Variants in BCAS3 observed in about 807,000 individuals in gnomAD.
BCAS3 encodes the protein BCAS4/BCAS3 fusion.
BCAS3 carries 53 observed loss-of-function variants against 116.1 expected under a neutral mutation model. That is an observed-to-expected ratio of 0.46 (90% CI 0.37 to 0.57). BCAS3 has a LOEUF of 0.57. Ranked by LOEUF, BCAS3 falls within the 20% of genes least tolerant of loss-of-function variation. The pLI, the probability that BCAS3 is intolerant of heterozygous loss-of-function variation, is 0.00. For synonymous variants in BCAS3, 391 were observed against 408.2 expected, an observed-to-expected ratio of 0.96 and a Z score of 0.51; for missense variants, 917 against 1,165.4, an observed-to-expected ratio of 0.79 and a Z score of 3.10.
At chr17:60,686,714 C>T (rs1325876857) in intron 3 of BCAS3, among the ~76,000 whole-genome samples, 1 of 152,000 alleles carries the variant, frequency 6.6e-6, no homozygotes, top group Non-Finnish European at 1.5e-5. Flanking sequence ...TTAGTAGAAA[C>T]GGGGTTTCAC....
At position 61,278,101 on chromosome 17, in the gene BCAS3, A is replaced by G. The variant is rs1490064700; in HGVS notation, c.2426-90226A>G. 2.0e-5 allele frequency among the ~76,000 whole-genome samples: 3 copies of G among 152,202 alleles called. No individual in the cohort carries two copies. The highest frequency in any genetic ancestry group is 2.9e-5 in the Non-Finnish European group (2 of 68,032). On this transcript the variant is annotated intron_variant, in intron 22 of 23. Transcript: ENST00000407086. The surrounding 1 kb of genome is among the most constrained non-coding windows in gnomAD (Gnocchi z 5.8). ...GCCCAGGCTGGAGTGAGGTGGTACA[A>G]TCTTGGTTCACTGCAACCTCTGCCT... is the stretch of plus-strand genomic sequence containing the variant.
chr17:61,172,667 T>A (rs2078911816), intron 22 of BCAS3, among the ~76,000 whole-genome samples: 1 of 148,490 alleles, frequency 6.7e-6, no homozygotes, highest in South Asian at 2.2e-4. Flanking sequence ...ATTCATATTC[T>A]GAGTCCTAAA....
In BCAS3 at chr17:61,361,342, T is replaced by C. The variant is rs1265093574; in HGVS notation, c.2426-6985T>C. 2.6e-5 allele frequency among the ~76,000 whole-genome samples: 4 copies of C among 152,228 alleles called. No individual in the cohort carries two copies. The highest frequency in any genetic ancestry group is 9.6e-5 in the African/African-American group (4 of 41,468). On this transcript the variant is annotated intron_variant, in intron 22 of 23. Transcript: ENST00000407086. The surrounding 1 kb of genome is among the most constrained non-coding windows in gnomAD (Gnocchi z 6.5). ...TATGCAATTGCATATTTTGCAGTTG[T>C]GAAAATGGTCTCCTTGTCAAAATAA...
intron 22 of BCAS3, among the ~76,000 whole-genome samples, chr17:61,260,819 A>T (rs886922423): frequency 2.0e-5 from 3 of 152,210 alleles, no homozygotes; most frequent in Admixed American, 2.0e-4. Context: ...GAAGAAAATG[A>T]TCTTTGTGTG....
At chr17:61,135,623 C>T (rs933360771) in intron 22 of BCAS3, among the ~76,000 whole-genome samples, 4 of 152,172 alleles carry the variant, frequency 2.6e-5, no homozygotes, top group African/African-American at 9.7e-5. Flanking sequence ...AGACTACTGC[C>T]ACCCCCTGTC....
chr17:61,048,755 A>C (rs181749143), intron 19 of BCAS3, among the ~76,000 whole-genome samples: 4 of 151,996 alleles, frequency 2.6e-5, no homozygotes, highest in Admixed American at 2.6e-4. Context: ...AATGCTGAAG[A>C]CTGCAGAGGG....
intron 5 of BCAS3, among the ~76,000 whole-genome samples, chr17:60,710,275 T>C (rs933615357): frequency 1.3e-5 from 2 of 152,204 alleles, no homozygotes; most frequent in Non-Finnish European, 2.9e-5. Flanking sequence ...TTTCTCTTTT[T>C]CTTTTGGGTG....
chr17:60,909,359 A>T (rs1029021201), intron 11 of BCAS3, among the ~76,000 whole-genome samples: 1 of 152,122 alleles, frequency 6.6e-6, no homozygotes, highest in Non-Finnish European at 1.5e-5. Flanking sequence ...TGTATATAAT[A>T]GTTTATATTT....
intron 6 of BCAS3, among the ~76,000 whole-genome samples, chr17:60,793,353 C>G (rs2046940494): frequency 6.6e-6 from 1 of 152,144 alleles, no homozygotes; most frequent in African/African-American, 2.4e-5. Context: ...CCTCAGCCTC[C>G]CAAAGTGCTG....
chr17:60,755,518 C>A (rs1238084157), intron 6 of BCAS3, among the ~76,000 whole-genome samples: 1 of 152,080 alleles, frequency 6.6e-6, no homozygotes, highest in East Asian at 1.9e-4. Flanking sequence ...AACCCTGTTC[C>A]CTGAAGATAC....
chr17:60,832,296 C>G (rs1194473638), intron 7 of BCAS3, among the ~76,000 whole-genome samples: 1 of 152,076 alleles, frequency 6.6e-6, no homozygotes, highest in Non-Finnish European at 1.5e-5. Flanking sequence ...AACTTTTTAC[C>G]CTAATTACCT....
At position 61,323,199 on chromosome 17, in the gene BCAS3, A is replaced by AG. The variant is rs1248676492; in HGVS notation, c.2426-45124dup. ...ACGGGCCAGATTGTTCATTTCACAAAGGGGAGGCTTTTAAAAATGAGAAGA... is the reference window on the plus strand; with the variant it reads ...ACGGGCCAGATTGTTCATTTCACAAAGGGGGAGGCTTTTAAAAATGAGAAGA... On this transcript the variant is annotated intron_variant, in intron 22 of 23. Coordinates refer to ENST00000407086, the MANE Select transcript of BCAS3 (RefSeq NM_017679.5). This position sits in a 1 kb window ranked among gnomAD's most constrained non-coding sequence, Gnocchi z 4.6. 3.4e-4 allele frequency among the ~76,000 whole-genome samples: 51 copies of AG among 152,176 alleles called. No homozygotes were observed. The highest frequency in any genetic ancestry group is 8.8e-5 in the Non-Finnish European group (6 of 68,036).
At chr17:61,043,904 A>G (rs2067759203) in intron 19 of BCAS3, among the ~76,000 whole-genome samples, 1 of 152,064 alleles carries the variant, frequency 6.6e-6, no homozygotes, top group Non-Finnish European at 1.5e-5. Flanking sequence ...CTGTTTTTTA[A>G]CTTCGTGGTT....
chr17:60,686,036 AT>A (rs1478668031), intron 3 of BCAS3, among the ~76,000 whole-genome samples: 1 of 151,678 alleles, frequency 6.6e-6, no homozygotes, highest in East Asian at 1.9e-4. Flanking sequence ...CACCTGTCTA[AT>A]TTTTGTATTT....
rs563161480 is a variant in BCAS3 at position 60,909,574 on chromosome 17, T to A, written c.823-958T>A. ...CTAAGTATTCTAGGGTGCCTGTTTT[T>A]GTTCTAATGATGATACCCTTCTTCA... On this transcript the variant is annotated intron_variant, in intron 11 of 23. Coordinates refer to ENST00000407086, the MANE Select transcript of BCAS3 (RefSeq NM_017679.5). 1.8e-3 allele frequency among the ~76,000 whole-genome samples: 273 copies of A among 152,286 alleles called. 1 individual carries two copies. Among genetic ancestry groups the A allele is most frequent in the Admixed American group, 3.3e-3 (51 of 15,300 alleles).
At chr17:61,046,609 A>T (rs1426686170) in intron 19 of BCAS3, among the ~76,000 whole-genome samples, 4 of 151,954 alleles carry the variant, frequency 2.6e-5, no homozygotes, top group Non-Finnish European at 4.4e-5. Context: ...GGGAATCATG[A>T]CAAGAAAAAA....
intron 5 of BCAS3, among the ~76,000 whole-genome samples, chr17:60,724,349 G>A (rs971567299): frequency 1.3e-5 from 2 of 150,650 alleles, no homozygotes. Context: ...CTTGAACCCG[G>A]GAGGCACAGG....
At position 60,807,991 on chromosome 17, in the gene BCAS3, T is replaced by C; in HGVS notation, c.404-13T>C. The C allele has an allele frequency of 6.4e-7, 1 of 1,572,098 alleles. No homozygotes were observed. On this transcript the variant is annotated splice_polypyrimidine_tract_variant and intron_variant, in intron 6 of 23. Coordinates refer to ENST00000407086, the MANE Select transcript of BCAS3 (RefSeq NM_017679.5). Reference sequence around the variant, plus strand: ...TCCTCAAAGCTTACAATTTATTTTATCCTTCCTGTCAGGTGCTCAAAAATG... The same window carrying C: ...TCCTCAAAGCTTACAATTTATTTTACCCTTCCTGTCAGGTGCTCAAAAATG...
At chr17:60,749,751 T>A (rs1052287001) in intron 6 of BCAS3, among the ~76,000 whole-genome samples, 2 of 152,196 alleles carry the variant, frequency 1.3e-5, no homozygotes, top group African/African-American at 4.8e-5. Flanking sequence ...CTCCCTTTCT[T>A]CTTTCTTGGT....
Sources: allele counts gnomAD v4.1 joint callset (sites outside exome capture counted in the v4.1 genomes callset), GRCh38; gene constraint gnomAD v4.1.1; non-coding constraint Gnocchi (gnomAD v3.1); transcripts MANE v1.5; gene names NCBI Gene and HGNC (gene_info 2026-07-23, HGNC 2026-07-21).